GTF2F2: variants seen among roughly 807,000 people sequenced by gnomAD.
The protein encoded by GTF2F2 is general transcription factor IIF subunit 2, also known as ATP-dependent helicase GTF2F2.
In GTF2F2, 23 loss-of-function variants were observed where a neutral mutation model predicts 42.2. The ratio of observed to expected loss-of-function variants is 0.55; its 90% CI spans 0.39 to 0.77. GTF2F2 has a LOEUF of 0.77. Among genes scored for constraint, GTF2F2 ranks in the 30% least tolerant of loss-of-function variants. The pLI is 0.00. For missense variants in GTF2F2, 261 were observed against 287.2 expected, an observed-to-expected ratio of 0.91 and a Z score of 0.66; for synonymous variants, 105 against 100.8, an observed-to-expected ratio of 1.04 and a Z score of -0.25.
intron 4 of GTF2F2, among the ~76,000 whole-genome samples, chr13:45,163,250 C>A (rs1006378960): frequency 6.6e-6 from 1 of 152,064 alleles, no homozygotes; most frequent in African/African-American, 2.4e-5. Context: ...TGTTTTGATT[C>A]ATTGTATACT....
chr13:45,191,845 A>G lies in GTF2F2; in HGVS notation c.305-15579A>G, dbSNP rs149890770. Among the ~76,000 whole-genome samples, 462 of 152,318 alleles carry G rather than the reference A, an allele frequency of 3.0e-3. 4 individuals carry two copies. Among genetic ancestry groups the G allele is most frequent in the African/African-American group, 0.011 (440 of 41,578 alleles). ...CTGATATTTTTAATGGTTTCTATCAATAATAACTTTGTTAAGATAGTTAAA... is the reference window on the plus strand; with the variant it reads ...CTGATATTTTTAATGGTTTCTATCAGTAATAACTTTGTTAAGATAGTTAAA... On this transcript the variant is annotated intron_variant, in intron 4 of 7. Transcript: ENST00000340473.
intron 1 of GTF2F2, among the ~76,000 whole-genome samples, chr13:45,129,497 A>C (rs995755003): frequency 6.6e-6 from 1 of 152,238 alleles, no homozygotes; most frequent in African/African-American, 2.4e-5. Context: ...GGCGTGAGCC[A>C]CCATGCCCAA....
chr13:45,266,713 A>G (rs556587134), intron 6 of GTF2F2, among the ~76,000 whole-genome samples: 17 of 152,310 alleles, frequency 1.1e-4, no homozygotes, highest in Middle Eastern at 6.8e-3. Flanking sequence ...TTTAGGGGAT[A>G]ATGAAAGTGA....
In GTF2F2 at chr13:45,148,194, TCTTC is replaced by T. The variant is rs1294542508; in HGVS notation, c.141-1573_141-1570del. Among the ~76,000 whole-genome samples the T allele has an allele frequency of 7.9e-5, 12 of 152,206 alleles. No individual in the cohort carries two copies. The East Asian group carries it at 2.3e-3, about 29-fold the overall frequency. ...GGAGAAACAGTGGTTTTCTAATTGGTCTTCCTATCTCTAGTCACCTTTAGTCTAC... is the reference window on the plus strand; with the variant it reads ...GGAGAAACAGTGGTTTTCTAATTGGTCTATCTCTAGTCACCTTTAGTCTAC... On this transcript the variant is annotated intron_variant, in intron 2 of 7. Coordinates refer to ENST00000340473, the MANE Select transcript of GTF2F2 (RefSeq NM_004128.3).
chr13:45,251,326 T>C (rs1875869059), intron 5 of GTF2F2, among the ~76,000 whole-genome samples: 1 of 152,182 alleles, frequency 6.6e-6, no homozygotes. Flanking sequence ...TTAATTTCTA[T>C]TTTATTGAAC....
At chr13:45,245,687 A>G (rs1875558463) in intron 5 of GTF2F2, among the ~76,000 whole-genome samples, 1 of 69,864 alleles carries the variant, frequency 1.4e-5, no homozygotes, top group South Asian at 3.1e-4. Context: ...ATATATATAT[A>G]TATATATATA....
intron 4 of GTF2F2, among the ~76,000 whole-genome samples, chr13:45,165,427 A>T (rs1470922655): frequency 3.3e-5 from 5 of 151,144 alleles, no homozygotes; most frequent in Non-Finnish European, 7.4e-5. Context: ...GTTCAAATTT[A>T]AAGATTCATA....
At chr13:45,225,128 A>G (rs552349441) in intron 5 of GTF2F2, among the ~76,000 whole-genome samples, 163 of 152,348 alleles carry the variant, frequency 1.1e-3, no homozygotes, top group Middle Eastern at 3.4e-3. Flanking sequence ...CATTGCTAAT[A>G]GGCACCCTGA....
Position 45,214,114 on chromosome 13 carries a change from C to G in GTF2F2, c.386+6609C>G, listed in dbSNP as rs140023418. Among the ~76,000 whole-genome samples, 643 of 151,608 alleles carry G rather than the reference C, an allele frequency of 4.2e-3. 3 individuals carry two copies. Among genetic ancestry groups the G allele is most frequent in the African/African-American group, 0.014 (596 of 41,436 alleles). ...CATTCTTGGAAACATAAATGACTAT[C>G]ACAAAGTGTATTTCACATTTATAAA... is the stretch of plus-strand genomic sequence containing the variant. On this transcript the variant is annotated intron_variant, in intron 5 of 7. Transcript: ENST00000340473.
At chr13:45,266,593 G>T (rs1463931340) in intron 6 of GTF2F2, among the ~76,000 whole-genome samples, 2 of 152,176 alleles carry the variant, frequency 1.3e-5, no homozygotes, top group Non-Finnish European at 2.9e-5. Flanking sequence ...AGCACTACAC[G>T]TTAGAGTTTT....
chr13:45,252,915 A>G lies in GTF2F2; in HGVS notation c.431A>G (p.Gln144Arg), dbSNP rs995654234. 7 of 1,512,790 alleles carry G rather than the reference A, an allele frequency of 4.6e-6. No homozygotes were observed. Among genetic ancestry groups the G allele is most frequent in the Non-Finnish European group, 6.2e-6 (7 of 1,137,742 alleles). The allele number at this position is 1,512,790 out of a possible 1,614,324, so 93.7% of individuals were successfully genotyped here. A position where few individuals can be genotyped will look rare whatever the true frequency, so the allele number is the denominator to read the frequency against. Reference sequence around the variant, plus strand: ...TCCAAACCAGTGAGGCTATCACAACAGCTGGACAAAGTTGTAACAACCAAT... The same window carrying G: ...TCCAAACCAGTGAGGCTATCACAACGGCTGGACAAAGTTGTAACAACCAAT... ...ESSKPVRLSQ[Q>R]LDKVVTTNYK... Residue 144 changes from glutamine to arginine, a missense_variant, in exon 6 of 8, where the codon CAG becomes CGG. Gln to Arg is a conservative substitution (Grantham distance 43, BLOSUM62 1). Transcript: ENST00000340473.
At chr13:45,123,371 T>C (rs1868779334) in intron 1 of GTF2F2, 1 of 152,370 alleles carries the variant, frequency 6.6e-6, no homozygotes. Flanking sequence ...CTGATGTCTG[T>C]AATCCCAGCA....
At chr13:45,180,259 T>C (rs936287289) in intron 4 of GTF2F2, among the ~76,000 whole-genome samples, 4 of 152,202 alleles carry the variant, frequency 2.6e-5, no homozygotes, top group South Asian at 4.1e-4. Flanking sequence ...TTTATTTTTA[T>C]TCTGTATTGT....
At chr13:45,193,479 A>G (rs1872735047) in intron 4 of GTF2F2, 1 of 248,586 alleles carries the variant, frequency 4.0e-6, no homozygotes, top group African/African-American at 2.2e-5. Flanking sequence ...TTGTGCAAAT[A>G]CCCAAGACAA....
chr13:45,202,841 A>G (rs893172880), intron 4 of GTF2F2, among the ~76,000 whole-genome samples: 1 of 151,966 alleles, frequency 6.6e-6, no homozygotes, highest in Non-Finnish European at 1.5e-5. Flanking sequence ...TAATCCCAGC[A>G]CCTCAGGTGG....
At chr13:45,173,244 T>G (rs1871684530) in intron 4 of GTF2F2, among the ~76,000 whole-genome samples, 1 of 152,160 alleles carries the variant, frequency 6.6e-6, no homozygotes. Flanking sequence ...GGATGTACCC[T>G]TTACTCAGTT....
At chr13:45,149,616 A>T (rs995079207) in intron 2 of GTF2F2, among the ~76,000 whole-genome samples, 154 bp from the exon 3 acceptor site, 1 of 152,134 alleles carries the variant, frequency 6.6e-6, no homozygotes, top group Admixed American at 6.6e-5. Flanking sequence ...GGTTATAAAT[A>T]GGATAGTTGT....
In GTF2F2 at chr13:45,153,264, C is replaced by T. The variant is rs371287480; in HGVS notation, c.304+1433C>T. Among the ~76,000 whole-genome samples, 116 of 152,164 alleles carry T rather than the reference C, an allele frequency of 7.6e-4. 1 individual carries two copies. Among genetic ancestry groups the T allele is most frequent in the Middle Eastern group, 3.4e-3 (1 of 294 alleles). ...CGATCTCCTGACCTCGTGATCCGCC[C>T]GCCTCGGCCTCCCGGAGTGCTGGGA... is the stretch of plus-strand genomic sequence containing the variant. On this transcript the variant is annotated intron_variant, in intron 4 of 7. Transcript: ENST00000340473.
intron 4 of GTF2F2, among the ~76,000 whole-genome samples, chr13:45,198,697 A>ATT (rs532691559): frequency 6.9e-6 from 1 of 145,486 alleles, no homozygotes; most frequent in African/African-American, 2.5e-5. Flanking sequence ...ACTTGCCCAC[A>ATT]TTTTTTTTTT....
Sources: allele counts gnomAD v4.1 joint callset (sites outside exome capture counted in the v4.1 genomes callset), GRCh38; gene constraint gnomAD v4.1.1; transcripts MANE v1.5; gene names NCBI Gene and HGNC (gene_info 2026-07-23, HGNC 2026-07-21).